VAV2: variants seen among roughly 807,000 people sequenced by gnomAD.
The protein encoded by VAV2 is guanine nucleotide exchange factor VAV2.
A neutral mutation model predicts 132.5 loss-of-function variants in VAV2; 67 were observed. The observed-to-expected ratio is 0.51, with a 90% CI of 0.42 to 0.62. VAV2 has a LOEUF of 0.62. Ranked by LOEUF, VAV2 falls within the 20% of genes least tolerant of loss-of-function variation. The probability of loss-of-function intolerance (pLI) is 0.00; values close to 1 mark genes in which losing one functional copy is unlikely to be tolerated. For missense variants in VAV2, 938 were observed against 1,153.6 expected (o/e 0.81, Z 2.71); for synonymous variants, 492 against 443.5 (o/e 1.11, Z -1.37).
chr9:133,812,254 TC>T, intron 4 of VAV2, 38 bp from the exon 5 acceptor site: 1 of 1,598,730 alleles, frequency 6.3e-7, no homozygotes, highest in Non-Finnish European at 8.6e-7. Flanking sequence ...GAGGGGAGGC[TC>T]CCGCCACCCT....
In VAV2 at chr9:133,795,801, A is replaced by G. The variant is rs55870462; in HGVS notation, c.1033-65T>C. ...GGTTCTGGCCTCTGCCCTGGCCCCT[A>G]CCTGGGGCAGGAGGTGTGCACAGAA... On this transcript the variant is annotated intron_variant, in intron 11 of 29. Transcript: ENST00000371850. 534 of 1,535,248 alleles carry G rather than the reference A, an allele frequency of 3.5e-4. 8 individuals are homozygous for G. In the East Asian group the frequency reaches 0.011, roughly 32 times the overall value.
intron 4 of VAV2, among the ~76,000 whole-genome samples, chr9:133,813,269 G>A (rs886537403): frequency 5.3e-5 from 8 of 152,238 alleles, no homozygotes; most frequent in Admixed American, 5.2e-4. Flanking sequence ...CTGCTAGAAG[G>A]ACGGAAATAA....
At chr9:133,839,087 G>A (rs1326731520) in intron 3 of VAV2, among the ~76,000 whole-genome samples, 1 of 151,904 alleles carries the variant, frequency 6.6e-6, no homozygotes, top group African/African-American at 2.4e-5. Context: ...TGAATGGCTA[G>A]GTGGGTGCAT....
chr9:133,928,213 G>A lies in VAV2; in HGVS notation c.321+10890C>T, dbSNP rs1474132943. ...TGCGTGCATGTGTGTATGTCTGTGTGTGTGCGTGCATGTGTGTGTCTGTGC... is the reference window on the plus strand; with the variant it reads ...TGCGTGCATGTGTGTATGTCTGTGTATGTGCGTGCATGTGTGTGTCTGTGC... On this transcript the variant is annotated intron_variant, in intron 2 of 29. Coordinates refer to ENST00000371850, the MANE Select transcript of VAV2 (RefSeq NM_001134398.2). The surrounding 1 kb of genome is among the most constrained non-coding windows in gnomAD (Gnocchi z 5.4). Among the ~76,000 whole-genome samples the A allele has an allele frequency of 6.6e-6, 1 of 152,146 alleles. No homozygotes were observed. The highest frequency in any genetic ancestry group is 2.4e-5 in the African/African-American group (1 of 41,428).
chr9:133,854,525 T>A (rs904160454), intron 3 of VAV2, among the ~76,000 whole-genome samples: 3 of 152,214 alleles, frequency 2.0e-5, no homozygotes, highest in Non-Finnish European at 2.9e-5. Flanking sequence ...TGGCTTGTGC[T>A]ACTGACCAGG....
Position 133,981,822 on chromosome 9 carries a change from C to G in VAV2, c.204+10253G>C, listed in dbSNP as rs900471774. Among the ~76,000 whole-genome samples the G allele has an allele frequency of 1.1e-4, 16 of 152,188 alleles. No individual in the cohort carries two copies. In the South Asian group the frequency reaches 2.3e-3, roughly 22 times the overall value. On this transcript the variant is annotated intron_variant, in intron 1 of 29. Transcript: ENST00000371850. ...AGTGTCATTCCAGACACGAGGAGCC[C>G]GGCCTCTGTCAGGAAAATGGGGCTG...
Position 133,935,756 on chromosome 9 carries a change from A to G in VAV2, c.321+3347T>C, listed in dbSNP as rs1002040524. ...ACAGCTTGACCACGGTAGGAAAAAC[A>G]TCCAGGGAAGGAAGCAAGCACCGCC... is the stretch of plus-strand genomic sequence containing the variant. On this transcript the variant is annotated intron_variant, in intron 2 of 29. Transcript: ENST00000371850. This position sits in a 1 kb window ranked among gnomAD's most constrained non-coding sequence, Gnocchi z 5.2. 1.3e-5 allele frequency among the ~76,000 whole-genome samples: 2 copies of G among 152,226 alleles called. No individual in the cohort carries two copies. Among genetic ancestry groups the G allele is most frequent in the Non-Finnish European group, 2.9e-5 (2 of 68,044 alleles).
chr9:133,837,753 C>G (rs1836528473), intron 3 of VAV2, among the ~76,000 whole-genome samples: 1 of 151,558 alleles, frequency 6.6e-6, no homozygotes, highest in Non-Finnish European at 1.5e-5. Context: ...TGACCTTGAG[C>G]TATGATTGTC....
At chr9:133,797,299 G>A (rs937658451) in intron 10 of VAV2, among the ~76,000 whole-genome samples, 1 of 151,414 alleles carries the variant, frequency 6.6e-6, no homozygotes, top group African/African-American at 2.4e-5. Context: ...CAGGATCAGG[G>A]GTCAGTCAGA....
At chr9:133,827,263 A>G (rs1405385877) in intron 4 of VAV2, among the ~76,000 whole-genome samples, 1 of 19,378 alleles carries the variant, frequency 5.2e-5, no homozygotes, top group African/African-American at 2.9e-4. Flanking sequence ...GGGCATCACC[A>G]CCTACCGCTG....
At chr9:133,881,526 C>T (rs1048755503) in intron 2 of VAV2, among the ~76,000 whole-genome samples, 3 of 152,054 alleles carry the variant, frequency 2.0e-5, no homozygotes, top group Non-Finnish European at 4.4e-5. Context: ...CAGGTGGAGA[C>T]GAGGAACTGA....
intron 1 of VAV2, among the ~76,000 whole-genome samples, chr9:133,988,652 G>A (rs865974089): frequency 1.2e-4 from 19 of 152,330 alleles, no homozygotes; most frequent in Middle Eastern, 3.4e-3. Flanking sequence ...AGCCGGACGC[G>A]GGGGCTCACG....
chr9:133,915,994 G>T (rs1199038493), intron 2 of VAV2, among the ~76,000 whole-genome samples: 3 of 150,892 alleles, frequency 2.0e-5, no homozygotes, highest in African/African-American at 7.3e-5. Flanking sequence ...ATGCACACAT[G>T]ATATACATGT....
At position 133,837,814 on chromosome 9, in the gene VAV2, G is replaced by A. The variant is rs540816005; in HGVS notation, c.381-3474C>T. 2.6e-5 allele frequency among the ~76,000 whole-genome samples: 4 copies of A among 151,688 alleles called. No individual in the cohort carries two copies. In the South Asian group the frequency reaches 8.4e-4, roughly 32 times the overall value. On this transcript the variant is annotated intron_variant, in intron 3 of 29. Transcript: ENST00000371850. ...TTTGGTGTCTTGTTCAACCCCTACTGTCATTTCCTTTACCTGCCCAACCCA... is the reference window on the plus strand; with the variant it reads ...TTTGGTGTCTTGTTCAACCCCTACTATCATTTCCTTTACCTGCCCAACCCA...
intron 4 of VAV2, among the ~76,000 whole-genome samples, chr9:133,818,965 G>A (rs570933012): frequency 1.6e-3 from 246 of 152,118 alleles, no homozygotes; most frequent in African/African-American, 5.7e-3. Flanking sequence ...GGCTGGTCTC[G>A]AACTCCTGGC....
intron 2 of VAV2, among the ~76,000 whole-genome samples, chr9:133,913,646 G>A (rs921995571): frequency 6.6e-6 from 1 of 152,214 alleles, no homozygotes; most frequent in Admixed American, 6.5e-5. Flanking sequence ...CACGGAACCT[G>A]CCAGTTTTCT....
chr9:133,820,101 A>T (rs185617831), intron 4 of VAV2, among the ~76,000 whole-genome samples: 212 of 152,270 alleles, frequency 1.4e-3, no homozygotes, highest in Non-Finnish European at 2.4e-3. Context: ...CTCACAGTCC[A>T]AGTGGGGAGA....
At position 133,769,399 on chromosome 9, in the gene VAV2, C is replaced by A; in HGVS notation, c.2434+18G>T. 6.2e-7 allele frequency: 1 copy of A among 1,604,786 alleles called. No individual in the cohort carries two copies. Among genetic ancestry groups the A allele is most frequent in the East Asian group, 2.2e-5 (1 of 44,544 alleles). ...TGCCACAGGCCCGGTCCCCCCACGC[C>A]CTGGGGAGCAGCGGTACCTGACCAG... On this transcript the variant is annotated intron_variant, in intron 28 of 29. Coordinates refer to ENST00000371850, the MANE Select transcript of VAV2 (RefSeq NM_001134398.2). This position sits in a 1 kb window ranked among gnomAD's most constrained non-coding sequence, Gnocchi z 8.1.
chr9:133,831,369 G>C (rs1349795407), intron 4 of VAV2, among the ~76,000 whole-genome samples: 1 of 152,102 alleles, frequency 6.6e-6, no homozygotes, highest in East Asian at 1.9e-4. Flanking sequence ...CCTGGAGGTG[G>C]AGGTTGCAGT....
Sources: allele counts gnomAD v4.1 joint callset (sites outside exome capture counted in the v4.1 genomes callset), GRCh38; gene constraint gnomAD v4.1.1; non-coding constraint Gnocchi (gnomAD v3.1); transcripts MANE v1.5; gene names NCBI Gene and HGNC (gene_info 2026-07-23, HGNC 2026-07-21).